UFL1: variants seen among roughly 807,000 people sequenced by gnomAD.
The protein encoded by UFL1 is E3 UFM1-protein ligase 1.
In UFL1, 78 loss-of-function variants were observed where a neutral mutation model predicts 99.3. The observed-to-expected ratio is 0.79, with a 90% CI of 0.65 to 0.95. The LOEUF (loss-of-function observed/expected upper bound fraction) is 0.95, where lower values mean the gene tolerates loss of function less well. Ranked by LOEUF, UFL1 falls within the 40% of genes least tolerant of loss-of-function variation. The probability of loss-of-function intolerance (pLI) is 0.00; values close to 1 mark genes in which losing one functional copy is unlikely to be tolerated. For missense variants in UFL1, 936 were observed against 937.0 expected (o/e 1.00, Z 0.01); for synonymous variants, 335 against 322.2 (o/e 1.04, Z -0.42).
At chr6:96,543,114 A>C (rs1769954108) in intron 12 of UFL1, 98 bp downstream of exon 12, 4 of 1,406,258 alleles carry the variant, frequency 2.8e-6, no homozygotes, top group Non-Finnish European at 3.8e-6. Context: ...TAATACAGGA[A>C]GTCCTTATTT....
chr6:96,549,020 T>A (rs1770039306), intron 13 of UFL1, among the ~76,000 whole-genome samples: 1 of 151,754 alleles, frequency 6.6e-6, no homozygotes, highest in Admixed American at 6.6e-5. Context: ...CACTGCTTTT[T>A]AGGCATAAAA....
rs1376246769 is a variant in UFL1 at position 96,555,191 on chromosome 6, A to G, written c.*1688A>G. 4 of 152,188 alleles carry G rather than the reference A, an allele frequency of 2.6e-5. No homozygotes were observed. The highest frequency in any genetic ancestry group is 5.9e-5 in the Non-Finnish European group (4 of 68,018). 9.4% of individuals were successfully genotyped at this position (152,188 alleles called of 1,614,324 possible). A position where few individuals can be genotyped will look rare whatever the true frequency, so the allele number is the denominator to read the frequency against. ...ATTTTGTATGTAAAGATTAATTTCC[A>G]TAATAAAAATTATTGTATGTTTACT... On this transcript the variant is annotated 3_prime_UTR_variant, in exon 19 of 19. Transcript: ENST00000369278.
Position 96,537,534 on chromosome 6 carries a change from A to G in UFL1, c.963A>G (p.Thr321=). The G allele has an allele frequency of 1.3e-6, 2 of 1,591,286 alleles. No individual in the cohort carries two copies. The highest frequency in any genetic ancestry group is 1.7e-6 in the Non-Finnish European group (2 of 1,172,252). The change falls in exon 9 of 19, where the codon ACA becomes ACG. Residue 321 remains threonine, a synonymous_variant. Coordinates refer to ENST00000369278, the MANE Select transcript of UFL1 (RefSeq NM_015323.5). ...TAGAAGAAGCCATCAGCTCTGGAAC[A>G]TGGGTTGATATTGCAGTATGTTTTA... ...ASVEEAISSG[T]WVDIAPLLPT...
In UFL1 at chr6:96,537,436, A is replaced by G. The variant is rs753696140; in HGVS notation, c.865A>G (p.Lys289Glu). ...TGTAAGCTACATAAAGAAAAGATAT[A>G]AGACTACACAACTCTTGTTTTTGAA... The part of the protein sequence containing the change: ...DAVSYIKKRY[K>E]TTQLLFLKAA... Residue 289 changes from lysine (K) to glutamate (E), a missense_variant, in exon 9 of 19, where the codon AAG becomes GAG. By Grantham distance (56) the Lys-to-Glu change is moderately conservative. Coordinates refer to ENST00000369278, the MANE Select transcript of UFL1 (RefSeq NM_015323.5). The G allele has an allele frequency of 1.2e-6, 2 of 1,608,314 alleles. No individual in the cohort carries two copies. Among genetic ancestry groups the G allele is most frequent in the Non-Finnish European group, 1.7e-6 (2 of 1,177,332 alleles).
intron 6 of UFL1, among the ~76,000 whole-genome samples, chr6:96,530,473 G>A (rs1156746178): frequency 6.6e-6 from 1 of 152,128 alleles, no homozygotes; most frequent in Non-Finnish European, 1.5e-5. Flanking sequence ...TAACTAATAA[G>A]TATTTGTCGG....
Position 96,523,345 on chromosome 6 carries a change from C to G in UFL1, c.223+54C>G, listed in dbSNP as rs1250831267. ...TCTTGGATTTTTGGAAGGGGCAAAA[C>G]AAACAAACAAAACCCGTAAACATGT... On this transcript the variant is annotated intron_variant, in intron 2 of 18. Transcript: ENST00000369278. 4.7e-6 allele frequency: 7 copies of G among 1,478,826 alleles called. No individual in the cohort carries two copies. The African/African-American group carries it at 5.8e-5, about 12-fold the overall frequency. 91.6% of individuals were successfully genotyped at this position (1,478,826 alleles called of 1,614,324 possible).
intron 12 of UFL1, 43 bp downstream of exon 12, chr6:96,543,059 T>C: frequency 6.5e-7 from 1 of 1,545,982 alleles, no homozygotes; most frequent in Non-Finnish European, 8.7e-7. Flanking sequence ...ATGTGTGATA[T>C]TTGTAACATA....
At chr6:96,540,070 G>GA (rs35151513) in intron 10 of UFL1, among the ~76,000 whole-genome samples, 70,342 of 150,924 alleles carry the variant, frequency 0.47, 18,905 homozygotes, top group African/African-American at 0.76. Flanking sequence ...CCAGAGGGGG[G>GA]AAAAAAAGAT....
intron 12 of UFL1, among the ~76,000 whole-genome samples, chr6:96,545,870 C>T (rs1268314585): frequency 2.7e-5 from 4 of 150,784 alleles, no homozygotes; most frequent in Non-Finnish European, 5.9e-5. Flanking sequence ...AGGAACATAC[C>T]TCAAAATAAT....
rs756378970 is a variant in UFL1 at position 96,521,902 on chromosome 6, G to T, written c.29G>T (p.Arg10Leu). Residue 10 changes from arginine to leucine, a missense_variant, in exon 1 of 19, where the codon CGG becomes CTG. Coordinates refer to ENST00000369278, the MANE Select transcript of UFL1 (RefSeq NM_015323.5). ...GCGGACGCCTGGGAAGAGATTAGGC[G>T]GTTGGCGGCCGACTTCCAGCGGGCG... Reference protein sequence around the residue: MADAWEEIRRLAADFQRAQF... With the variant: MADAWEEIRLLAADFQRAQF... 1.2e-6 allele frequency: 2 copies of T among 1,612,616 alleles called. No individual in the cohort carries two copies. Among genetic ancestry groups the T allele is most frequent in the Non-Finnish European group, 1.7e-6 (2 of 1,179,608 alleles).
At chr6:96,532,645 C>T (rs774720222) in intron 6 of UFL1, among the ~76,000 whole-genome samples, 3 of 152,182 alleles carry the variant, frequency 2.0e-5, no homozygotes, top group Non-Finnish European at 4.4e-5. Flanking sequence ...CTTCCTCTTT[C>T]ACTATGTGAT....
chr6:96,522,550 T>C (rs1284445714), intron 1 of UFL1, among the ~76,000 whole-genome samples: 1 of 152,162 alleles, frequency 6.6e-6, no homozygotes. Flanking sequence ...TAGAAGCCTT[T>C]CTATTCTTTG....
chr6:96,541,453 T>A (rs1175374605), intron 11 of UFL1, among the ~76,000 whole-genome samples: 1 of 151,458 alleles, frequency 6.6e-6, no homozygotes, highest in African/African-American at 2.4e-5. Flanking sequence ...AACAGTGCTG[T>A]TAGTGCTTTA....
At chr6:96,533,854 G>A (rs1231958909) in intron 6 of UFL1, among the ~76,000 whole-genome samples, 2 of 144,098 alleles carry the variant, frequency 1.4e-5, no homozygotes, top group African/African-American at 5.1e-5. Flanking sequence ...CCCTAATCTA[G>A]CCTCATGTCA....
intron 4 of UFL1, among the ~76,000 whole-genome samples, chr6:96,525,821 G>T (rs1769692021): frequency 6.6e-6 from 1 of 151,568 alleles, no homozygotes; most frequent in Non-Finnish European, 1.5e-5. Context: ...AAGCAAATTT[G>T]TTCCAAAAAT....
intron 11 of UFL1, among the ~76,000 whole-genome samples, chr6:96,541,989 AAT>A (rs1337042587): frequency 2.0e-5 from 3 of 151,244 alleles, no homozygotes; most frequent in African/African-American, 7.3e-5. Flanking sequence ...ATCTAAGGCA[AAT>A]CTATTTAGAA....
Position 96,537,559 on chromosome 6 carries a change from A to T in UFL1, c.978+10A>T, listed in dbSNP as rs751121589. The T allele has an allele frequency of 6.4e-6, 10 of 1,560,556 alleles. No homozygotes were observed. Among genetic ancestry groups the T allele is most frequent in the Non-Finnish European group, 5.2e-6 (6 of 1,160,068 alleles). ...ATGGGTTGATATTGCAGTATGTTTT[A>T]TCTTTTCCTCACTTTTCTTTAAACA... is the stretch of plus-strand genomic sequence containing the variant. On this transcript the variant is annotated intron_variant, in intron 9 of 18. Coordinates refer to ENST00000369278, the MANE Select transcript of UFL1 (RefSeq NM_015323.5).
chr6:96,523,349 CAAACA>C, intron 2 of UFL1, 58 bp downstream of exon 2: 1 of 1,465,688 alleles, frequency 6.8e-7, no homozygotes, highest in Non-Finnish European at 9.1e-7. Flanking sequence ...GCAAAACAAA[CAAACA>C]AAACCCGTAA....
chr6:96,533,747 G>A (rs1431072240), intron 6 of UFL1, among the ~76,000 whole-genome samples: 1 of 146,368 alleles, frequency 6.8e-6, no homozygotes, highest in African/African-American at 2.5e-5. Context: ...CAATAAAACT[G>A]GTTAACAAAA....
Sources: allele counts gnomAD v4.1 joint callset (sites outside exome capture counted in the v4.1 genomes callset), GRCh38; gene constraint gnomAD v4.1.1; transcripts MANE v1.5; gene names NCBI Gene and HGNC (gene_info 2026-07-23, HGNC 2026-07-21).